The following ARMC9 variants were observed in gnomAD, a reference collection of about 807,000 sequenced individuals.
The protein encoded by ARMC9 is lisH domain-containing protein ARMC9.
Under a neutral mutation model 107.0 loss-of-function variants are expected in ARMC9, and 94 were observed. The ratio of observed to expected loss-of-function variants is 0.88; its 90% CI spans 0.74 to 1.04. The LOEUF (loss-of-function observed/expected upper bound fraction) is 1.04, where lower values mean the gene tolerates loss of function less well. Among genes scored for constraint, ARMC9 ranks in the 50% least tolerant of loss-of-function variants. ARMC9 has a pLI of 0.00. For missense variants in ARMC9, 942 were observed against 1,030.1 expected, an observed-to-expected ratio of 0.91 and a Z score of 1.17; for synonymous variants, 380 against 396.9, an observed-to-expected ratio of 0.96 and a Z score of 0.51.
At chr2:231,272,198 T>G (rs1411665710) in intron 13 of ARMC9, among the ~76,000 whole-genome samples, 6 of 145,444 alleles carry the variant, frequency 4.1e-5, no homozygotes, top group African/African-American at 1.0e-4. Context: ...TTTTTTTTTT[T>G]TTTTTTTTTT....
intron 5 of ARMC9, among the ~76,000 whole-genome samples, chr2:231,219,274 T>C (rs2033864533): frequency 6.6e-6 from 1 of 152,200 alleles, no homozygotes; most frequent in Admixed American, 6.5e-5. Context: ...CATTCCATCT[T>C]GTGTTAAAGA....
intron 1 of ARMC9, among the ~76,000 whole-genome samples, chr2:231,203,113 T>C (rs1396418392): frequency 2.0e-5 from 3 of 152,168 alleles, no homozygotes; most frequent in Admixed American, 2.0e-4. Flanking sequence ...ATAAACCTGT[T>C]GACTGTCGAG....
At chr2:231,353,288 G>A (rs1228835277) in intron 21 of ARMC9, among the ~76,000 whole-genome samples, 4 of 126,474 alleles carry the variant, frequency 3.2e-5, no homozygotes, top group East Asian at 1.9e-4. Context: ...CCCAGTTCAC[G>A]CCATTCTCCT....
chr2:231,338,564 G>A (rs142446271), intron 20 of ARMC9, among the ~76,000 whole-genome samples: 4,051 of 129,958 alleles, frequency 0.031, 228 homozygotes, highest in African/African-American at 0.12. Flanking sequence ...TTTTGCGACA[G>A]TGTCTCGCTC....
intron 12 of ARMC9, among the ~76,000 whole-genome samples, chr2:231,267,153 G>A (rs183012423): frequency 1.3e-5 from 2 of 152,310 alleles, no homozygotes; most frequent in East Asian, 3.9e-4. Flanking sequence ...ATCAAAAGTG[G>A]GAGAGAGTCC....
chr2:231,304,091 G>A (rs1327589833), intron 19 of ARMC9, among the ~76,000 whole-genome samples: 1 of 151,888 alleles, frequency 6.6e-6, no homozygotes, highest in East Asian at 1.9e-4. Flanking sequence ...TTAGCTGGGT[G>A]TGGTGGCGCA....
intron 23 of ARMC9, among the ~76,000 whole-genome samples, chr2:231,364,236 G>A (rs1159676996): frequency 6.6e-6 from 1 of 152,182 alleles, no homozygotes; most frequent in African/African-American, 2.4e-5. Flanking sequence ...AGCCAGGTGT[G>A]GGGTGCTTGT....
In ARMC9 at chr2:231,312,985, T is replaced by C. The variant is rs559238534; in HGVS notation, c.1773+16732T>C. 3.3e-5 allele frequency among the ~76,000 whole-genome samples: 5 copies of C among 152,334 alleles called. No individual in the cohort carries two copies. In the South Asian group the frequency reaches 1.0e-3, roughly 32 times the overall value. On this transcript the variant is annotated intron_variant, in intron 19 of 24. Coordinates refer to ENST00000611582, the MANE Select transcript of ARMC9 (RefSeq NM_001352754.2). ...AGAATTCATCTATTTAACAAATATGTATCAAGCACCTGTTATATGCCCAGG... is the reference window on the plus strand; with the variant it reads ...AGAATTCATCTATTTAACAAATATGCATCAAGCACCTGTTATATGCCCAGG...
In ARMC9 at chr2:231,350,946, C is replaced by CTTTTTTTTTTTTTT. The variant is rs770225857; in HGVS notation, c.1995-4835_1995-4822dup. Among the ~76,000 whole-genome samples, 8 of 50,600 alleles carry CTTTTTTTTTTTTTT rather than the reference C, an allele frequency of 1.6e-4. 2 individuals carry two copies. The highest frequency in any genetic ancestry group is 7.9e-4 in the African/African-American group (8 of 10,076). 33.2% of individuals were successfully genotyped at this position (50,600 alleles called of 152,430 possible). ...ATCCTATTTGCACAAAGTGACAATT[C>CTTTTTTTTTTTTTT]TTTTTTTTTTTTTTTTTTTTTTTTT... On this transcript the variant is annotated intron_variant, in intron 21 of 24. Coordinates refer to ENST00000611582, the MANE Select transcript of ARMC9 (RefSeq NM_001352754.2).
chr2:231,272,051 T>G (rs556978049), intron 13 of ARMC9, among the ~76,000 whole-genome samples: 1 of 152,296 alleles, frequency 6.6e-6, no homozygotes, highest in South Asian at 2.1e-4. Context: ...TGAATTATGT[T>G]TAGCTCACAA....
At chr2:231,286,410 C>G (rs1041913689) in intron 17 of ARMC9, among the ~76,000 whole-genome samples, 1 of 152,162 alleles carries the variant, frequency 6.6e-6, no homozygotes, top group Non-Finnish European at 1.5e-5. Flanking sequence ...CCACCGCGCC[C>G]GGTGCCTGCT....
chr2:231,290,795 A>G (rs572183683), intron 17 of ARMC9, among the ~76,000 whole-genome samples: 5 of 152,198 alleles, frequency 3.3e-5, no homozygotes, highest in Non-Finnish European at 5.9e-5. Flanking sequence ...TTACTTCTCT[A>G]AGCATATGGT....
At chr2:231,312,031 A>T (rs747696697) in intron 19 of ARMC9, among the ~76,000 whole-genome samples, 3 of 152,082 alleles carry the variant, frequency 2.0e-5, no homozygotes, top group South Asian at 2.1e-4. Context: ...GATCAATGTT[A>T]TGTTTGCTAA....
At chr2:231,302,500 T>A (rs556228323) in intron 19 of ARMC9, among the ~76,000 whole-genome samples, 1 of 143,494 alleles carries the variant, frequency 7.0e-6, no homozygotes, top group South Asian at 2.2e-4. Context: ...AAAACACAGT[T>A]TGATCTGGGC....
At chr2:231,265,307 C>T (rs910281130) in intron 12 of ARMC9, among the ~76,000 whole-genome samples, 1 of 152,226 alleles carries the variant, frequency 6.6e-6, no homozygotes, top group Non-Finnish European at 1.5e-5. Flanking sequence ...TGCACACACA[C>T]GTTTTCAGTT....
At chr2:231,244,951 C>G (rs1027034736) in intron 9 of ARMC9, among the ~76,000 whole-genome samples, 6 of 152,356 alleles carry the variant, frequency 3.9e-5, no homozygotes, top group Admixed American at 2.0e-4. Flanking sequence ...CTCCCACTGA[C>G]AGAGCAGCTC....
At chr2:231,324,263 G>A (rs1334878463) in intron 19 of ARMC9, among the ~76,000 whole-genome samples, 2 of 151,068 alleles carry the variant, frequency 1.3e-5, no homozygotes, top group Non-Finnish European at 2.9e-5. Context: ...GAGTAGCTGG[G>A]ACTACAGGCA....
At chr2:231,317,793 C>T (rs918510034) in intron 19 of ARMC9, among the ~76,000 whole-genome samples, 8 of 152,056 alleles carry the variant, frequency 5.3e-5, no homozygotes, top group African/African-American at 1.9e-4. Flanking sequence ...TTGAATTCTT[C>T]ATTTCAGTTA....
chr2:231,261,814 G>A (rs570637566), intron 11 of ARMC9, among the ~76,000 whole-genome samples: 1 of 151,818 alleles, frequency 6.6e-6, no homozygotes, highest in South Asian at 2.1e-4. Context: ...CACCCATTAG[G>A]ACATCACAGG....
Sources: allele counts gnomAD v4.1 joint callset (sites outside exome capture counted in the v4.1 genomes callset), GRCh38; gene constraint gnomAD v4.1.1; transcripts MANE v1.5; gene names NCBI Gene and HGNC (gene_info 2026-07-23, HGNC 2026-07-21).